The following LRRC49 variants were observed in gnomAD, a reference collection of about 807,000 sequenced individuals.
LRRC49 encodes leucine-rich repeat-containing protein 49.
A neutral mutation model predicts 83.3 loss-of-function variants in LRRC49; 50 were observed. The observed-to-expected ratio is 0.60, with a 90% CI of 0.48 to 0.76. LRRC49 has a LOEUF of 0.76. LRRC49 is among the 30% of genes least tolerant of loss of function. The pLI, the probability that LRRC49 is intolerant of heterozygous loss-of-function variation, is 0.00. For missense variants in LRRC49, 704 were observed against 809.1 expected (o/e 0.87, Z 1.58); for synonymous variants, 286 against 283.3 (o/e 1.01, Z -0.10).
intron 13 of LRRC49, among the ~76,000 whole-genome samples, chr15:71,012,085 AG>A: frequency 6.6e-6 from 1 of 152,214 alleles, no homozygotes; most frequent in South Asian, 2.1e-4. Context: ...GTTGTTCTGT[AG>A]GGGGCAAAAT....
At chr15:71,032,272 C>G (rs2039382362) in intron 14 of LRRC49, among the ~76,000 whole-genome samples, 1 of 152,060 alleles carries the variant, frequency 6.6e-6, no homozygotes, top group Non-Finnish European at 1.5e-5. Flanking sequence ...GAAGTGATGC[C>G]CCACCCTGCT....
chr15:70,913,291 A>C (rs1048823176), intron 6 of LRRC49, among the ~76,000 whole-genome samples: 1 of 152,134 alleles, frequency 6.6e-6, no homozygotes, highest in Non-Finnish European at 1.5e-5. Context: ...GTTTTGGTGA[A>C]AAGCTAATGT....
intron 9 of LRRC49, among the ~76,000 whole-genome samples, chr15:70,968,970 G>A (rs903026127): frequency 2.0e-5 from 3 of 152,146 alleles, no homozygotes; most frequent in African/African-American, 7.2e-5. Flanking sequence ...TTGCTGTGCA[G>A]AAGCTCTTTT....
intron 9 of LRRC49, among the ~76,000 whole-genome samples, chr15:70,972,011 T>C (rs186351162): frequency 1.1e-4 from 16 of 152,302 alleles, no homozygotes; most frequent in East Asian, 5.8e-4. Context: ...ATGTGTGAAA[T>C]TGATCCTGTA....
At chr15:71,015,909 T>C (rs1434363018) in intron 14 of LRRC49, among the ~76,000 whole-genome samples, 1 of 152,206 alleles carries the variant, frequency 6.6e-6, no homozygotes, top group Non-Finnish European at 1.5e-5. Flanking sequence ...TGTCCATCAA[T>C]AGAGCGAGAC....
Position 71,050,513 on chromosome 15 carries a change from C to T in LRRC49, c.*901C>T, listed in dbSNP as rs1261197894. On this transcript the variant is annotated 3_prime_UTR_variant, in exon 16 of 16. Coordinates refer to ENST00000260382, the MANE Select transcript of LRRC49 (RefSeq NM_017691.5). ...TGAGAAGGGTAGTAGGAGCCTATTA[C>T]CATAGCTAGAGATGATGCCACTTCA... 4.6e-5 allele frequency: 7 copies of T among 152,110 alleles called. No individual in the cohort carries two copies. In the East Asian group the frequency reaches 1.3e-3, roughly 29 times the overall value. The allele number at this position is 152,110 out of a possible 1,614,324, so 9.4% of individuals were successfully genotyped here.
intron 14 of LRRC49, among the ~76,000 whole-genome samples, chr15:71,016,085 A>AT (rs1336911182): frequency 1.3e-5 from 2 of 152,228 alleles, no homozygotes; most frequent in East Asian, 3.9e-4. Context: ...AAAATATTTG[A>AT]TTTTTTCAAT....
chr15:71,024,953 T>C (rs2039114465), intron 14 of LRRC49, among the ~76,000 whole-genome samples: 1 of 152,164 alleles, frequency 6.6e-6, no homozygotes, highest in Admixed American at 6.5e-5. Context: ...ATTTCAGAGC[T>C]TGAAGACTGT....
intron 13 of LRRC49, among the ~76,000 whole-genome samples, chr15:71,011,847 G>A (rs1567098293): frequency 6.6e-6 from 1 of 152,142 alleles, no homozygotes; most frequent in Non-Finnish European, 1.5e-5. Flanking sequence ...TAAAGAAAAT[G>A]CCTGTGAAGA....
rs528177234 is a variant in LRRC49, at chr15:70,996,159, A to G, written c.1169+11902A>G. Among the ~76,000 whole-genome samples, 13 of 152,262 alleles carry G rather than the reference A, an allele frequency of 8.5e-5. No homozygotes were observed. In the South Asian group the frequency reaches 2.5e-3, roughly 29 times the overall value. ...GAGTAGCCACAGAAGATATTTATAT[A>G]TGAAGGTAGAAAAATAAAATTTTAG... is the stretch of plus-strand genomic sequence containing the variant. On this transcript the variant is annotated intron_variant, in intron 11 of 15. Coordinates refer to ENST00000260382, the MANE Select transcript of LRRC49 (RefSeq NM_017691.5).
At chr15:70,918,901 A>G (rs2034898338) in intron 6 of LRRC49, 149 bp from the exon 7 acceptor site, 2 of 581,358 alleles carry the variant, frequency 3.4e-6, no homozygotes, top group Non-Finnish European at 5.9e-6. Context: ...TATCTACAGC[A>G]TAGGAAATTG....
At chr15:70,984,568 G>T (rs1464961346) in intron 11 of LRRC49, 1 of 175,246 alleles carries the variant, frequency 5.7e-6, no homozygotes, top group East Asian at 1.5e-4. Context: ...TGCTATTGCA[G>T]CATCACTGTC....
chr15:70,901,904 TCC>T (rs1376965663), intron 4 of LRRC49, among the ~76,000 whole-genome samples: 1 of 152,196 alleles, frequency 6.6e-6, no homozygotes. Flanking sequence ...GGGTGAAGGA[TCC>T]CAATCTCTAT....
chr15:70,934,299 G>T (rs1449265664), intron 7 of LRRC49, among the ~76,000 whole-genome samples: 1 of 152,124 alleles, frequency 6.6e-6, no homozygotes, highest in Non-Finnish European at 1.5e-5. Context: ...TGTTACAAAA[G>T]TATATCACAG....
intron 1 of LRRC49, among the ~76,000 whole-genome samples, chr15:70,861,489 G>A (rs1395613778): frequency 6.6e-6 from 1 of 151,474 alleles, no homozygotes; most frequent in African/African-American, 2.4e-5. Context: ...GGTCATTGCT[G>A]CAGGTGGTAA....
intron 14 of LRRC49, among the ~76,000 whole-genome samples, chr15:71,026,086 G>A (rs189117539): frequency 6.6e-6 from 1 of 151,300 alleles, no homozygotes; most frequent in South Asian, 2.1e-4. Context: ...CCCCCTGACA[G>A]GCCCTGTTGT....
chr15:70,911,158 G>C (rs1273992983), intron 5 of LRRC49, among the ~76,000 whole-genome samples: 1 of 152,174 alleles, frequency 6.6e-6, no homozygotes, highest in Non-Finnish European at 1.5e-5. Context: ...GTGAGTGAGC[G>C]AGCCTGTGGT....
intron 14 of LRRC49, among the ~76,000 whole-genome samples, chr15:71,033,835 A>T (rs957319775): frequency 5.3e-5 from 8 of 152,194 alleles, no homozygotes; most frequent in African/African-American, 1.9e-4. Context: ...GGCTAGCCAT[A>T]TGCAGAAAAT....
At position 71,049,620 on chromosome 15, in the gene LRRC49, C is replaced by A; in HGVS notation, c.*8C>A. On this transcript the variant is annotated 3_prime_UTR_variant, in exon 16 of 16. Transcript: ENST00000260382. ...ATAACAGACCAAAAATAAAAATGGC[C>A]TTTAGTTACAGTTGATTTTGGCAGT... The A allele has an allele frequency of 6.3e-7, 1 of 1,591,874 alleles. No homozygotes were observed. Among genetic ancestry groups the A allele is most frequent in the East Asian group, 2.2e-5 (1 of 44,730 alleles).
Sources: allele counts gnomAD v4.1 joint callset (sites outside exome capture counted in the v4.1 genomes callset), GRCh38; gene constraint gnomAD v4.1.1; transcripts MANE v1.5; gene names NCBI Gene and HGNC (gene_info 2026-07-23, HGNC 2026-07-21).